The following SAMHD1 variants were observed in gnomAD, a reference collection of about 807,000 sequenced individuals.
The protein encoded by SAMHD1 is SAM and HD domain containing deoxynucleoside triphosphate triphosphohydrolase 1, also known as deoxynucleoside triphosphate triphosphohydrolase SAMHD1.
A neutral mutation model predicts 79.6 loss-of-function variants in SAMHD1; 54 were observed. That is an observed-to-expected ratio of 0.68 (90% CI 0.55 to 0.85). The LOEUF (loss-of-function observed/expected upper bound fraction) is 0.85, where lower values mean the gene tolerates loss of function less well. SAMHD1 is among the 40% of genes least tolerant of loss of function. The pLI, the probability that SAMHD1 is intolerant of heterozygous loss-of-function variation, is 0.00. For synonymous variants in SAMHD1, 260 were observed against 264.1 expected (o/e 0.98, Z 0.15); for missense variants, 663 against 782.7 (o/e 0.85, Z 1.82).
intron 10 of SAMHD1, 43 bp from the exon 11 acceptor site, chr20:36,911,376 G>T: frequency 8.2e-7 from 1 of 1,218,740 alleles, no homozygotes; most frequent in South Asian, 1.2e-5. Context: ...GAGAAATTTT[G>T]AATATTTGCC....
intron 3 of SAMHD1, among the ~76,000 whole-genome samples, chr20:36,935,954 AG>A (rs1028214455): frequency 2.0e-5 from 3 of 152,088 alleles, no homozygotes; most frequent in African/African-American, 7.2e-5. Flanking sequence ...AAAGAAAGAA[AG>A]ATGGAAATTC....
chr20:36,950,105 C>G (rs1347218954), intron 1 of SAMHD1, among the ~76,000 whole-genome samples: 1 of 151,650 alleles, frequency 6.6e-6, no homozygotes, highest in African/African-American at 2.4e-5. Context: ...CAGTTTTTAC[C>G]AAATGAAAGC....
rs529639777 is a variant in SAMHD1, at chr20:36,927,314, CTT to C, written c.626-64_626-63del. On this transcript the variant is annotated intron_variant, in intron 5 of 15. Coordinates refer to ENST00000646673, the MANE Select transcript of SAMHD1 (RefSeq NM_015474.4). ...TCTGTAAACCAACAAAAACTTTTTC[CTT>C]TTTTTTTTTTTTTTTTTTGAGACGG... is the stretch of plus-strand genomic sequence containing the variant. 0.089 allele frequency: 64,414 copies of C among 720,522 alleles called. 268 individuals are homozygous for C. The highest frequency in any genetic ancestry group is 0.12 in the Middle Eastern group (345 of 2,862). 44.6% of individuals were successfully genotyped at this position (720,522 alleles called of 1,614,324 possible).
intron 9 of SAMHD1, 64 bp downstream of exon 9, chr20:36,916,658 G>T: frequency 8.9e-7 from 1 of 1,117,926 alleles, no homozygotes; most frequent in Non-Finnish European, 1.4e-6. Context: ...ATTGTTAAAT[G>T]GTTATTTCCA....
Position 36,935,092 on chromosome 20 carries a change from T to A in SAMHD1, c.446A>T (p.Gln149Leu). 1 of 1,614,132 alleles carries A rather than the reference T, an allele frequency of 6.2e-7. No individual in the cohort carries two copies. The highest frequency in any genetic ancestry group is 8.5e-7 in the Non-Finnish European group (1 of 1,179,980). Reference protein sequence around the residue: ...PQFQRLRYIKQLGGGYYVFPG... With the variant: ...PQFQRLRYIKLLGGGYYVFPG... The stretch of plus-strand genomic sequence containing the variant: ...AAAAACATAGTAACCACCTCCCAGC[T>A]GTTTGATGTATCGAAGACGTTGAAA... Residue 149 changes from glutamine (Q) to leucine (L), a missense_variant, in exon 4 of 16, where the codon CAG becomes CTG. Transcript: ENST00000646673.
In SAMHD1 at chr20:36,912,526, G is replaced by A. The variant is rs765115332; in HGVS notation, c.1089C>T (p.Phe363=). The change falls in exon 10 of 16, where the codon TTC becomes TTT. Residue 363 remains phenylalanine, a synonymous_variant. Coordinates refer to ENST00000646673, the MANE Select transcript of SAMHD1 (RefSeq NM_015474.4). ...DKEVGNLYDM[F]HTRNSLHRRA... is the part of the protein sequence containing the mutation. ...TACGGTGTAAAGAGTTGCGAGTGTG[G>A]AACATGTCATACAGATTTCCAACTT... The A allele has an allele frequency of 6.2e-7, 1 of 1,612,758 alleles. No homozygotes were observed. The highest frequency in any genetic ancestry group is 1.7e-5 in the Admixed American group (1 of 59,980).
chr20:36,949,756 A>C (rs1294136936), intron 1 of SAMHD1, among the ~76,000 whole-genome samples: 4 of 19,868 alleles, frequency 2.0e-4, no homozygotes, highest in African/African-American at 6.0e-4. Context: ...ACTCTGTCTC[A>C]AAAAAAAAAA....
At chr20:36,918,647 CAA>C (rs1263380713) in intron 7 of SAMHD1, among the ~76,000 whole-genome samples, 1 of 151,076 alleles carries the variant, frequency 6.6e-6, no homozygotes, top group Non-Finnish European at 1.5e-5. Context: ...ACTAAAAATA[CAA>C]AGATTTGCCG....
intron 1 of SAMHD1, 96 bp downstream of exon 1, chr20:36,951,340 C>T (rs916722839): frequency 2.9e-5 from 45 of 1,553,830 alleles, no homozygotes; most frequent in Non-Finnish European, 3.7e-5. Context: ...GCTCGCTCCT[C>T]GGCCTCGGTC....
rs1458430331 is a variant in SAMHD1 at position 36,892,649 on chromosome 20, T to G, written c.*283A>C. 2.2e-6 allele frequency: 1 copy of G among 452,496 alleles called. No individual in the cohort carries two copies. The highest frequency in any genetic ancestry group is 4.0e-6 in the Non-Finnish European group (1 of 247,728). The allele number at this position is 452,496 out of a possible 1,614,324, so 28.0% of individuals were successfully genotyped here. ...CTCTTAAAAAAGAAAAAAAATAGAG[T>G]TCAGAATAGATAAAAGAGTTGTTAT... On this transcript the variant is annotated 3_prime_UTR_variant, in exon 16 of 16. Coordinates refer to ENST00000646673, the MANE Select transcript of SAMHD1 (RefSeq NM_015474.4).
chr20:36,909,823 T>A (rs749835694), intron 11 of SAMHD1, among the ~76,000 whole-genome samples: 34 of 152,158 alleles, frequency 2.2e-4, no homozygotes, highest in Non-Finnish European at 4.1e-4. Context: ...GAAAATAATG[T>A]TAAATGGCCA....
chr20:36,926,677 T>C (rs1239063678), intron 6 of SAMHD1, among the ~76,000 whole-genome samples: 1 of 152,186 alleles, frequency 6.6e-6, no homozygotes, highest in Non-Finnish European at 1.5e-5. Context: ...AAATACAGTG[T>C]AGTAAAAACC....
At chr20:36,927,281 G>T in intron 5 of SAMHD1, 29 bp from the exon 6 acceptor site, 1 of 1,139,180 alleles carries the variant, frequency 8.8e-7, no homozygotes. Flanking sequence ...CTTAGAACAA[G>T]AAAAACATCT....
chr20:36,940,404 T>C (rs1480245480), intron 3 of SAMHD1: 1 of 152,796 alleles, frequency 6.5e-6, no homozygotes, highest in Non-Finnish European at 1.5e-5. Context: ...AGAAACATAA[T>C]AAATAGAAAC....
chr20:36,912,639 G>C, intron 9 of SAMHD1, 87 bp from the exon 10 acceptor site: 1 of 942,926 alleles, frequency 1.1e-6, no homozygotes. Context: ...GAAGGAAAAG[G>C]GATAGTGGCA....
chr20:36,914,014 G>T (rs182525412), intron 9 of SAMHD1, among the ~76,000 whole-genome samples: 5 of 151,580 alleles, frequency 3.3e-5, no homozygotes, highest in African/African-American at 9.8e-5. Context: ...TCAGCCTTGC[G>T]AAGTAGTGGG....
intron 1 of SAMHD1, among the ~76,000 whole-genome samples, chr20:36,950,714 G>A (rs936497272): frequency 2.0e-5 from 3 of 152,146 alleles, no homozygotes; most frequent in Admixed American, 2.0e-4. Flanking sequence ...ATTTTGGAGG[G>A]GAACCTGCTT....
chr20:36,946,566 T>C, intron 2 of SAMHD1, 172 bp downstream of exon 2: 1 of 585,256 alleles, frequency 1.7e-6, no homozygotes, highest in Non-Finnish European at 3.1e-6. Flanking sequence ...AACAAGAGAC[T>C]ATCTCAAAAA....
In SAMHD1 at chr20:36,916,554, A is replaced by C. The variant is rs1243513658; in HGVS notation, c.1062+168T>G. On this transcript the variant is annotated intron_variant, in intron 9 of 15. Transcript: ENST00000646673. ...AATAAATGTCCATGTTAATTTTATT[A>C]TTATTTAATAATGCAGTAGAAGGGA... 3 of 622,592 alleles carry C rather than the reference A, an allele frequency of 4.8e-6. No individual in the cohort carries two copies. The Admixed American group carries it at 8.1e-5, about 17-fold the overall frequency. The allele number at this position is 622,592 out of a possible 1,614,324, so 38.6% of individuals were successfully genotyped here. A position where few individuals can be genotyped will look rare whatever the true frequency, so the allele number is the denominator to read the frequency against.
Sources: allele counts gnomAD v4.1 joint callset (sites outside exome capture counted in the v4.1 genomes callset), GRCh38; gene constraint gnomAD v4.1.1; transcripts MANE v1.5; gene names NCBI Gene and HGNC (gene_info 2026-07-23, HGNC 2026-07-21).